RTCB: variants seen among roughly 807,000 people sequenced by gnomAD.
RTCB encodes the protein RNA 2',3'-cyclic phosphate and 5'-OH ligase, also known as RNA-splicing ligase RTCB.
Under a neutral mutation model 58.2 loss-of-function variants are expected in RTCB, and 32 were observed. The observed-to-expected ratio is 0.55, with a 90% confidence interval of 0.41 to 0.74. The LOEUF (loss-of-function observed/expected upper bound fraction) is 0.74, where lower values mean the gene tolerates loss of function less well. RTCB is among the 30% of genes least tolerant of loss of function. The pLI is 0.00. For missense variants in RTCB, 523 were observed against 639.0 expected, an observed-to-expected ratio of 0.82 and a Z score of 1.96; for synonymous variants, 247 against 218.6, an observed-to-expected ratio of 1.13 and a Z score of -1.15.
chr22:32,403,351 G>A (rs1472900190), intron 4 of RTCB, among the ~76,000 whole-genome samples: 1 of 151,778 alleles, frequency 6.6e-6, no homozygotes, highest in African/African-American at 2.4e-5. Flanking sequence ...AGCTTGCAGT[G>A]AGCCAAGATT....
At chr22:32,404,395 A>G (rs376467043) in intron 4 of RTCB, among the ~76,000 whole-genome samples, 46 of 152,324 alleles carry the variant, frequency 3.0e-4, no homozygotes, top group African/African-American at 1.1e-3. Context: ...TGGGTTACTT[A>G]AAAGTATACT....
chr22:32,402,412 G>T (rs1933351819), intron 4 of RTCB, among the ~76,000 whole-genome samples: 1 of 152,092 alleles, frequency 6.6e-6, no homozygotes, highest in Admixed American at 6.5e-5. Context: ...CATTCAAAAA[G>T]GACATTAACA....
chr22:32,408,392 G>C, intron 2 of RTCB, 150 bp from the exon 3 acceptor site: 1 of 668,478 alleles, frequency 1.5e-6, no homozygotes. Flanking sequence ...ATGCAAGATG[G>C]AAGGGAGCTC....
At chr22:32,404,890 T>TGCCC (rs1933395263) in intron 4 of RTCB, among the ~76,000 whole-genome samples, 1 of 151,950 alleles carries the variant, frequency 6.6e-6, no homozygotes. Context: ...TTTGTCATGT[T>TGCCC]GCCCCTGGCT....
At position 32,395,044 on chromosome 22, in the gene RTCB, G is replaced by C; in HGVS notation, c.1161C>G (p.Leu387=). The part of the protein sequence containing the change: ...STRAFPPHHP[L]IAVDYQLTGQ... ...TACGTACTTGGTAATCAACAGCAATGAGGGGATGGTGAGGAGGGAAAGCGC... is the reference window on the plus strand; with the variant it reads ...TACGTACTTGGTAATCAACAGCAATCAGGGGATGGTGAGGAGGGAAAGCGC... The change falls in exon 9 of 12, where the codon CTC becomes CTG. Residue 387 remains leucine (L), a synonymous_variant. Coordinates refer to ENST00000216038, the MANE Select transcript of RTCB (RefSeq NM_014306.5). 1 of 1,614,010 alleles carries C rather than the reference G, an allele frequency of 6.2e-7. No individual in the cohort carries two copies. The highest frequency in any genetic ancestry group is 8.5e-7 in the Non-Finnish European group (1 of 1,179,890).
intron 1 of RTCB, among the ~76,000 whole-genome samples, 167 bp downstream of exon 1, chr22:32,411,897 C>T (rs1933531428): frequency 6.6e-6 from 1 of 152,170 alleles, no homozygotes; most frequent in Non-Finnish European, 1.5e-5. Flanking sequence ...GGTGCCGGAA[C>T]AGGTTGGGCG....
At position 32,388,749 on chromosome 22, in the gene RTCB, T is replaced by C. The variant is rs577963723; in HGVS notation, c.1411-650A>G. ...ATCTTCATTCCTGTCAATACAAGCTTAGGCCATCCATGCTGATTCCCGTAC... is the reference window on the plus strand; with the variant it reads ...ATCTTCATTCCTGTCAATACAAGCTCAGGCCATCCATGCTGATTCCCGTAC... On this transcript the variant is annotated intron_variant, in intron 11 of 11. Transcript: ENST00000216038. 3.3e-5 allele frequency among the ~76,000 whole-genome samples: 5 copies of C among 152,294 alleles called. 1 individual carries two copies. Among genetic ancestry groups the C allele is most frequent in the African/African-American group, 1.2e-4 (5 of 41,568 alleles).
intron 8 of RTCB, 102 bp from the exon 9 acceptor site, chr22:32,395,316 A>T (rs755931023): frequency 4.2e-5 from 41 of 978,596 alleles, no homozygotes; most frequent in Non-Finnish European, 5.2e-5. Context: ...TTCTGAAGGG[A>T]GTAAAAGATT....
At chr22:32,401,560 A>T in intron 5 of RTCB, 187 bp downstream of exon 5, 2 of 568,348 alleles carry the variant, frequency 3.5e-6, no homozygotes, top group East Asian at 5.6e-5. Context: ...AAAGGCTGTT[A>T]TAACATCGGT....
At chr22:32,397,126 G>C (rs1437437375) in intron 7 of RTCB, among the ~76,000 whole-genome samples, 1 of 148,906 alleles carries the variant, frequency 6.7e-6, no homozygotes, top group Admixed American at 6.6e-5. Flanking sequence ...CTCACTAGAA[G>C]CAAGAAGCCC....
In RTCB at chr22:32,412,246, A is replaced by G; in HGVS notation, c.-90T>C. Reference sequence around the variant, plus strand: ...CTTCTCAGAGCACCGCCTTCCAAGAACCAAAGCGCAGGCGCGACCAGCGCC... The same window carrying G: ...CTTCTCAGAGCACCGCCTTCCAAGAGCCAAAGCGCAGGCGCGACCAGCGCC... On this transcript the variant is annotated 5_prime_UTR_variant, in exon 1 of 12. Coordinates refer to ENST00000216038, the MANE Select transcript of RTCB (RefSeq NM_014306.5). 1 of 1,140,880 alleles carries G rather than the reference A, an allele frequency of 8.8e-7. No individual in the cohort carries two copies. Among genetic ancestry groups the G allele is most frequent in the Non-Finnish European group, 1.2e-6 (1 of 803,790 alleles). 70.7% of individuals were successfully genotyped at this position (1,140,880 alleles called of 1,614,324 possible). A position where few individuals can be genotyped will look rare whatever the true frequency, so the allele number is the denominator to read the frequency against.
intron 4 of RTCB, among the ~76,000 whole-genome samples, chr22:32,405,180 GACATA>G (rs1316450595): frequency 1.3e-5 from 2 of 152,050 alleles, no homozygotes; most frequent in African/African-American, 4.8e-5. Flanking sequence ...AAAGCTATAT[GACATA>G]ACATCTTTGT....
chr22:32,397,835 G>A, intron 7 of RTCB, 106 bp downstream of exon 7: 1 of 1,015,148 alleles, frequency 9.9e-7, no homozygotes, highest in Non-Finnish European at 1.4e-6. Flanking sequence ...TTTAATTGTT[G>A]AGGACTCAGG....
intron 4 of RTCB, among the ~76,000 whole-genome samples, chr22:32,403,119 T>C (rs1222191932): frequency 6.6e-6 from 1 of 151,978 alleles, no homozygotes; most frequent in Non-Finnish European, 1.5e-5. Context: ...AAAAACTGTA[T>C]ATATTGGCAG....
At chr22:32,399,382 G>C (rs974464770) in intron 6 of RTCB, among the ~76,000 whole-genome samples, 1 of 151,438 alleles carries the variant, frequency 6.6e-6, no homozygotes, top group Non-Finnish European at 1.5e-5. Flanking sequence ...GGCCTCAAGC[G>C]AACCTTCCTC....
intron 5 of RTCB, chr22:32,399,996 T>A: frequency 2.7e-6 from 1 of 368,674 alleles, no homozygotes; most frequent in East Asian, 4.1e-5. Context: ...TAGTTCTACT[T>A]GACATTTATA....
At chr22:32,401,422 C>T (rs988738244) in intron 5 of RTCB, 1 of 184,298 alleles carries the variant, frequency 5.4e-6, no homozygotes, top group African/African-American at 2.3e-5. Flanking sequence ...AGTTTTCTTT[C>T]TTGTAAGTTA....
At chr22:32,404,395 A>T (rs376467043) in intron 4 of RTCB, among the ~76,000 whole-genome samples, 9 of 152,208 alleles carry the variant, frequency 5.9e-5, no homozygotes, top group Non-Finnish European at 7.3e-5. Flanking sequence ...TGGGTTACTT[A>T]AAAGTATACT....
At position 32,402,261 on chromosome 22, in the gene RTCB, A is replaced by G. The variant is rs1247014716; in HGVS notation, c.341-358T>C. On this transcript the variant is annotated intron_variant, in intron 4 of 11. Transcript: ENST00000216038. ...TGCGTTTCTTGGTCCTTTCTATAAC[A>G]TATCTTTCCATTTCACTAATTTTAC... Among the ~76,000 whole-genome samples, 5 of 152,218 alleles carry G rather than the reference A, an allele frequency of 3.3e-5. 1 individual carries two copies. Among genetic ancestry groups the G allele is most frequent in the South Asian group, 4.1e-4 (2 of 4,820 alleles).
Sources: gnomAD v4.1 joint callset for allele counts (sites outside exome capture counted in the v4.1 genomes callset) on GRCh38, gnomAD v4.1.1 for gene constraint, MANE v1.5 for transcripts, NCBI Gene and HGNC (gene_info 2026-07-23, HGNC 2026-07-21) for gene names.